PPP6R3: variants seen among roughly 807,000 people sequenced by gnomAD.
PPP6R3 encodes the protein protein phosphatase 6 regulatory subunit 3.
PPP6R3 carries 38 observed loss-of-function variants against 110.7 expected under a neutral mutation model. The ratio of observed to expected loss-of-function variants is 0.34; its 90% CI spans 0.26 to 0.45. The LOEUF (loss-of-function observed/expected upper bound fraction) is 0.45, where lower values mean the gene tolerates loss of function less well. Ranked by LOEUF, PPP6R3 falls within the 20% of genes least tolerant of loss-of-function variation. The pLI is 1.00. For missense variants in PPP6R3, 870 were observed against 1,062.4 expected (o/e 0.82, Z 2.52); for synonymous variants, 369 against 373.5 (o/e 0.99, Z 0.14).
chr11:68,543,099 C>A (rs1346550973), intron 3 of PPP6R3, among the ~76,000 whole-genome samples: 2 of 152,160 alleles, frequency 1.3e-5, no homozygotes, highest in Non-Finnish European at 2.9e-5. Context: ...AGGCCCTCTT[C>A]CCAGCCTTTT....
chr11:68,509,382 C>T (rs80118237), intron 1 of PPP6R3, among the ~76,000 whole-genome samples: 8,442 of 152,098 alleles, frequency 0.056, 350 homozygotes, highest in Non-Finnish European at 0.079. Flanking sequence ...TTTCTTCAAC[C>T]GTGCTTGTCT....
chr11:68,541,832 G>T (rs564758713), intron 3 of PPP6R3, among the ~76,000 whole-genome samples: 3 of 152,078 alleles, frequency 2.0e-5, no homozygotes, highest in Non-Finnish European at 4.4e-5. Flanking sequence ...AGGAAGGAGG[G>T]GGGACAGTGG....
chr11:68,582,486 T>TTGG (rs1383763776), intron 14 of PPP6R3, among the ~76,000 whole-genome samples: 3 of 152,222 alleles, frequency 2.0e-5, no homozygotes, highest in Non-Finnish European at 4.4e-5. Flanking sequence ...GGTAGATGAT[T>TTGG]TGGGGTCTTT....
chr11:68,522,558 G>A (rs1412294330), intron 2 of PPP6R3: 2 of 152,232 alleles, frequency 1.3e-5, no homozygotes, highest in Non-Finnish European at 2.9e-5. Flanking sequence ...TCAAGCTGCT[G>A]TGGGATAGGG....
intron 1 of PPP6R3, among the ~76,000 whole-genome samples, chr11:68,489,983 ATTG>A (rs1401428920): frequency 1.3e-5 from 2 of 152,164 alleles, no homozygotes; most frequent in African/African-American, 4.8e-5. Flanking sequence ...GTACATTGTT[ATTG>A]TTATTATTTT....
intron 16 of PPP6R3, among the ~76,000 whole-genome samples, chr11:68,590,186 T>C (rs2099590909): frequency 6.6e-6 from 1 of 152,236 alleles, no homozygotes. Flanking sequence ...TACTCCCTCC[T>C]TGCTTTTCTA....
chr11:68,531,351 A>ATTT, intron 2 of PPP6R3, among the ~76,000 whole-genome samples: 1 of 149,864 alleles, frequency 6.7e-6, no homozygotes, highest in African/African-American at 2.5e-5. Context: ...TTATTTATTT[A>ATTT]AATTTTAGGA....
intron 9 of PPP6R3, 118 bp from the exon 10 acceptor site, chr11:68,566,896 A>T: frequency 1.4e-6 from 1 of 732,906 alleles, no homozygotes; most frequent in Non-Finnish European, 2.1e-6. Context: ...ATGTTGTTTC[A>T]GGTGTAAAAT....
chr11:68,485,322 G>T (rs923753979), intron 1 of PPP6R3, among the ~76,000 whole-genome samples: 22 of 94,150 alleles, frequency 2.3e-4, no homozygotes, highest in Admixed American at 3.9e-4. Flanking sequence ...CCATCATGTT[G>T]TCTGTCAACA....
At chr11:68,608,108 G>GAATTTCTGGTTGATAA (rs1353272437) in intron 22 of PPP6R3, among the ~76,000 whole-genome samples, 2 of 147,676 alleles carry the variant, frequency 1.4e-5, no homozygotes, top group African/African-American at 5.0e-5. Flanking sequence ...TTAAAGTTAA[G>GAATTTCTGGTTGATAA]AATTTCTGGT....
chr11:68,508,508 A>G (rs1264213996), intron 1 of PPP6R3, among the ~76,000 whole-genome samples: 3 of 152,150 alleles, frequency 2.0e-5, no homozygotes, highest in African/African-American at 7.2e-5. Flanking sequence ...AGACTATAAA[A>G]CAGGGATGAT....
At chr11:68,519,009 C>A (rs1416066138) in intron 1 of PPP6R3, among the ~76,000 whole-genome samples, 1 of 152,160 alleles carries the variant, frequency 6.6e-6, no homozygotes, top group African/African-American at 2.4e-5. Context: ...TTAATTGACA[C>A]TAGAGACTGA....
chr11:68,541,007 TA>T (rs2099312373), intron 3 of PPP6R3, among the ~76,000 whole-genome samples: 1 of 152,176 alleles, frequency 6.6e-6, no homozygotes, highest in Non-Finnish European at 1.5e-5. Flanking sequence ...CTGACAGGAT[TA>T]AGAGATTAAA....
At chr11:68,467,494 C>G (rs2098756777) in intron 1 of PPP6R3, among the ~76,000 whole-genome samples, 1 of 152,208 alleles carries the variant, frequency 6.6e-6, no homozygotes, top group Non-Finnish European at 1.5e-5. Context: ...TAGTTGGAGC[C>G]TTGGGTTTCC....
intron 10 of PPP6R3, among the ~76,000 whole-genome samples, chr11:68,569,122 T>G (rs1430595055): frequency 6.6e-6 from 1 of 152,184 alleles, no homozygotes; most frequent in Admixed American, 6.5e-5. Flanking sequence ...GTTAGTTGCT[T>G]TGAAGAGAAA....
intron 13 of PPP6R3, among the ~76,000 whole-genome samples, chr11:68,574,820 G>A (rs944880592): frequency 5.3e-5 from 8 of 152,148 alleles, no homozygotes; most frequent in African/African-American, 1.9e-4. Flanking sequence ...TAAAATGAGA[G>A]AACTGTGTAC....
rs186571074 is a variant in PPP6R3 at position 68,469,816 on chromosome 11, A to T, written c.-158+8989A>T. Among the ~76,000 whole-genome samples the T allele has an allele frequency of 9.2e-5, 14 of 152,218 alleles. No homozygotes were observed. In the East Asian group the frequency reaches 2.7e-3, roughly 29 times the overall value. Reference sequence around the variant, plus strand: ...AGCTTAGGAAATAGAAGGTTGCCATACCTTTGGCTCCCTGTGTCCTCGTCT... The same window carrying T: ...AGCTTAGGAAATAGAAGGTTGCCATTCCTTTGGCTCCCTGTGTCCTCGTCT... On this transcript the variant is annotated intron_variant, in intron 1 of 23. Transcript: ENST00000393800.
At chr11:68,500,286 C>CTT (rs879619295) in intron 1 of PPP6R3, among the ~76,000 whole-genome samples, 2 of 145,284 alleles carry the variant, frequency 1.4e-5, no homozygotes, top group Non-Finnish European at 1.5e-5. Flanking sequence ...TAAGACCTAC[C>CTT]TTTTTTTTTT....
intron 18 of PPP6R3, among the ~76,000 whole-genome samples, chr11:68,592,882 A>G (rs1310537405): frequency 6.6e-6 from 1 of 152,214 alleles, no homozygotes; most frequent in African/African-American, 2.4e-5. Context: ...GTATGAGGAC[A>G]GTAATACAGT....
Sources: allele counts gnomAD v4.1 joint callset (sites outside exome capture counted in the v4.1 genomes callset), GRCh38; gene constraint gnomAD v4.1.1; transcripts MANE v1.5; gene names NCBI Gene and HGNC (gene_info 2026-07-23, HGNC 2026-07-21).